ZMAT4: variants seen among roughly 807,000 people sequenced by gnomAD.
The protein encoded by ZMAT4 is zinc finger matrin-type protein 4.
In ZMAT4, 17 loss-of-function variants were observed where a neutral mutation model predicts 28.7. That is an observed-to-expected ratio of 0.59 (90% CI 0.41 to 0.89). ZMAT4 has a LOEUF of 0.89. Ranked by LOEUF, ZMAT4 falls within the 40% of genes least tolerant of loss-of-function variation. The probability of loss-of-function intolerance (pLI) is 0.00; values close to 1 mark genes in which losing one functional copy is unlikely to be tolerated. For synonymous variants in ZMAT4, 117 were observed against 109.2 expected (o/e 1.07, Z -0.44); for missense variants, 240 against 283.8 (o/e 0.85, Z 1.11).
intron 3 of ZMAT4, among the ~76,000 whole-genome samples, chr8:40,717,182 G>A (rs1000822166): frequency 1.3e-5 from 2 of 152,094 alleles, no homozygotes; most frequent in Non-Finnish European, 2.9e-5. Flanking sequence ...CACAATGAAG[G>A]TCCTTAAGTC....
At chr8:40,761,360 G>C (rs1812929722) in intron 3 of ZMAT4, among the ~76,000 whole-genome samples, 1 of 152,060 alleles carries the variant, frequency 6.6e-6, no homozygotes, top group African/African-American at 2.4e-5. Context: ...GCAAGTCTCT[G>C]CCTAACCAGG....
chr8:40,724,071 T>G (rs551842722), intron 3 of ZMAT4, among the ~76,000 whole-genome samples: 1 of 152,276 alleles, frequency 6.6e-6, no homozygotes, highest in African/African-American at 2.4e-5. Context: ...TTTTTTTCTT[T>G]TCTTGTCCTT....
At chr8:40,666,077 G>A (rs1424043936) in intron 5 of ZMAT4, among the ~76,000 whole-genome samples, 1 of 152,120 alleles carries the variant, frequency 6.6e-6, no homozygotes, top group Non-Finnish European at 1.5e-5. Context: ...TCTGCAAAAT[G>A]AATATTCTAT....
intron 5 of ZMAT4, among the ~76,000 whole-genome samples, chr8:40,631,973 G>C (rs1171472347): frequency 2.0e-5 from 3 of 152,226 alleles, no homozygotes; most frequent in Non-Finnish European, 4.4e-5. Context: ...ATGCATAAGA[G>C]CTAAGTGATT....
At chr8:40,778,702 C>T (rs1162996311) in intron 2 of ZMAT4, among the ~76,000 whole-genome samples, 2 of 152,176 alleles carry the variant, frequency 1.3e-5, no homozygotes, top group Non-Finnish European at 2.9e-5. Context: ...GAACATGCTG[C>T]CAGCTGCAAT....
At chr8:40,582,427 G>A (rs374154221) in intron 5 of ZMAT4, among the ~76,000 whole-genome samples, 3 of 152,070 alleles carry the variant, frequency 2.0e-5, no homozygotes, top group African/African-American at 7.2e-5. Flanking sequence ...ATCACAGTGA[G>A]GTATGACAGT....
At chr8:40,601,443 AGGAAGGAAGGAAGGG>A (rs1280424599) in intron 5 of ZMAT4, among the ~76,000 whole-genome samples, 7 of 137,020 alleles carry the variant, frequency 5.1e-5, no homozygotes, top group African/African-American at 1.7e-4. Context: ...GAAGGAAGGA[AGGAAGGAAGGAAGGG>A]AGGAAGAAAG....
chr8:40,842,420 T>A (rs1282485717), intron 1 of ZMAT4, among the ~76,000 whole-genome samples: 3 of 152,246 alleles, frequency 2.0e-5, no homozygotes, highest in Non-Finnish European at 4.4e-5. Flanking sequence ...GCACTCCAGT[T>A]ATCTTCCAGT....
intron 2 of ZMAT4, among the ~76,000 whole-genome samples, chr8:40,815,353 C>T (rs1303888697): frequency 2.0e-5 from 3 of 152,168 alleles, no homozygotes; most frequent in Non-Finnish European, 4.4e-5. Flanking sequence ...AATGTGTACA[C>T]AGCACCCTGT....
At chr8:40,812,955 T>A (rs200052064) in intron 2 of ZMAT4, among the ~76,000 whole-genome samples, 62,201 of 145,642 alleles carry the variant, frequency 0.43, 14,082 homozygotes, top group Middle Eastern at 0.56. Context: ...TAAATTAAAT[T>A]AAATTAAATT....
intron 3 of ZMAT4, among the ~76,000 whole-genome samples, chr8:40,758,366 T>C (rs1238829258): frequency 6.6e-6 from 1 of 152,118 alleles, no homozygotes; most frequent in Non-Finnish European, 1.5e-5. Context: ...CTCAGTGAAA[T>C]GACAATCTGT....
intron 2 of ZMAT4, among the ~76,000 whole-genome samples, chr8:40,787,276 G>A (rs981124448): frequency 9.9e-5 from 15 of 152,134 alleles, no homozygotes; most frequent in South Asian, 2.1e-4. Flanking sequence ...TCCCAGACCC[G>A]CAGTGGGTGC....
At chr8:40,674,094 T>TC (rs1808802752) in intron 5 of ZMAT4, among the ~76,000 whole-genome samples, 1 of 126,486 alleles carries the variant, frequency 7.9e-6, no homozygotes, top group Admixed American at 8.2e-5. Flanking sequence ...TTTTTTTTTT[T>TC]TTTTTTTTTT....
At chr8:40,547,100 C>T (rs1300232224) in intron 6 of ZMAT4, among the ~76,000 whole-genome samples, 3 of 152,186 alleles carry the variant, frequency 2.0e-5, no homozygotes, top group East Asian at 1.9e-4. Context: ...TGTTAATAAA[C>T]ATAGAACTCC....
At chr8:40,539,695 C>T (rs572007100) in intron 6 of ZMAT4, among the ~76,000 whole-genome samples, 1 of 152,292 alleles carries the variant, frequency 6.6e-6, no homozygotes, top group East Asian at 1.9e-4. Flanking sequence ...TTTAGAAATG[C>T]TTGTTTCCTT....
At chr8:40,795,393 C>T (rs1163951695) in intron 2 of ZMAT4, among the ~76,000 whole-genome samples, 1 of 152,180 alleles carries the variant, frequency 6.6e-6, no homozygotes, top group Non-Finnish European at 1.5e-5. Flanking sequence ...GTACTGGATC[C>T]TTATGAATAC....
chr8:40,796,271 G>A (rs1023791737), intron 2 of ZMAT4, among the ~76,000 whole-genome samples: 4 of 152,156 alleles, frequency 2.6e-5, no homozygotes, highest in African/African-American at 9.7e-5. Context: ...TGTCTGCTCT[G>A]CTTAAACATG....
At chr8:40,643,780 G>C (rs915077615) in intron 5 of ZMAT4, among the ~76,000 whole-genome samples, 4 of 64,998 alleles carry the variant, frequency 6.2e-5, no homozygotes, top group African/African-American at 1.8e-4. Context: ...CTGTGTGTTT[G>C]TGTGTGTGCA....
chr8:40,855,331 T>C (rs981012946), intron 1 of ZMAT4, among the ~76,000 whole-genome samples: 9 of 152,136 alleles, frequency 5.9e-5, no homozygotes, highest in African/African-American at 2.2e-4. Flanking sequence ...TTCTGCTGCC[T>C]GCTTTTGGCC....
Sources: allele counts gnomAD v4.1 joint callset (sites outside exome capture counted in the v4.1 genomes callset), GRCh38; gene constraint gnomAD v4.1.1; transcripts MANE v1.5; gene names NCBI Gene and HGNC (gene_info 2026-07-23, HGNC 2026-07-21).